LPAR1: variants seen among roughly 807,000 people sequenced by gnomAD.
LPAR1 encodes lysophosphatidic acid receptor 1, also known as LPA receptor 1.
LPAR1 carries 5 observed loss-of-function variants against 23.8 expected under a neutral mutation model. The observed-to-expected ratio is 0.21, with a 90% confidence interval of 0.11 to 0.44. LPAR1 has a LOEUF of 0.44. LPAR1 is among the 20% of genes least tolerant of loss of function. LPAR1 has a pLI of 0.99. For missense variants in LPAR1, 311 were observed against 482.8 expected (o/e 0.64, Z 3.33); for synonymous variants, 160 against 164.7 (o/e 0.97, Z 0.22).
At chr9:110,932,642 C>T (rs565663282) in intron 5 of LPAR1, among the ~76,000 whole-genome samples, 60 of 152,352 alleles carry the variant, frequency 3.9e-4, no homozygotes, top group African/African-American at 1.3e-3. Flanking sequence ...GCAGCAGATG[C>T]GCAAGCATTA....
chr9:110,986,230 G>A (rs932384562), intron 2 of LPAR1, among the ~76,000 whole-genome samples: 3 of 152,100 alleles, frequency 2.0e-5, no homozygotes, highest in Non-Finnish European at 2.9e-5. Context: ...ACCCTATAGG[G>A]TGGATACATT....
At chr9:111,034,863 C>T (rs1448918573) in intron 2 of LPAR1, among the ~76,000 whole-genome samples, 2 of 152,106 alleles carry the variant, frequency 1.3e-5, no homozygotes, top group African/African-American at 2.4e-5. Context: ...ACTTTCCAGC[C>T]TTCATCACCC....
At chr9:110,945,230 G>A (rs1455755765) in intron 4 of LPAR1, 1 of 152,140 alleles carries the variant, frequency 6.6e-6, no homozygotes, top group South Asian at 2.1e-4. Context: ...GACAGACTTA[G>A]GCAGAAAACC....
intron 4 of LPAR1, among the ~76,000 whole-genome samples, chr9:110,943,216 T>G (rs1393296335): frequency 6.6e-6 from 1 of 150,536 alleles, no homozygotes; most frequent in Non-Finnish European, 1.5e-5. Context: ...AGTAAGTCAT[T>G]CTTCTTGAAG....
intron 2 of LPAR1, among the ~76,000 whole-genome samples, chr9:111,023,599 T>C (rs2097610897): frequency 6.6e-6 from 1 of 152,106 alleles, no homozygotes; most frequent in Admixed American, 6.6e-5. Context: ...TACTCATCAC[T>C]CTATTCCCAG....
intron 2 of LPAR1, among the ~76,000 whole-genome samples, chr9:111,000,956 A>T (rs1357853446): frequency 6.6e-6 from 1 of 152,090 alleles, no homozygotes; most frequent in African/African-American, 2.4e-5. Flanking sequence ...CAGCTGGTAC[A>T]CTAAGCTCAT....
rs376856733 is a variant in LPAR1 at position 110,922,438 on chromosome 9, C to A, written c.793+18983G>T. On this transcript the variant is annotated intron_variant, in intron 5 of 5. Transcript: ENST00000683809. Reference sequence around the variant, plus strand: ...GAACAGAAAATGAAGATGGTGGTTTCCAATCTGAATTCAAGTTTTGAAAAG... The same window carrying A: ...GAACAGAAAATGAAGATGGTGGTTTACAATCTGAATTCAAGTTTTGAAAAG... 3.3e-5 allele frequency among the ~76,000 whole-genome samples: 5 copies of A among 152,064 alleles called. No homozygotes were observed. In the East Asian group the frequency reaches 7.7e-4, roughly 23 times the overall value.
In LPAR1 at chr9:110,936,364, T is replaced by G. The variant is rs2094707486; in HGVS notation, c.793+5057A>C. ...TATGGTCTTAAACTTATCTGACTCC[T>G]GCCACTTTCGTCACCACTGGTGACA... On this transcript the variant is annotated intron_variant, in intron 5 of 5. Coordinates refer to ENST00000683809, the MANE Select transcript of LPAR1 (RefSeq NM_001351411.2). Among the ~76,000 whole-genome samples the G allele has an allele frequency of 2.0e-5, 3 of 152,224 alleles. No individual in the cohort carries two copies. In the South Asian group the frequency reaches 6.2e-4, roughly 32 times the overall value.
intron 2 of LPAR1, among the ~76,000 whole-genome samples, chr9:111,000,485 T>C (rs1406288862): frequency 6.6e-6 from 1 of 152,160 alleles, no homozygotes; most frequent in Non-Finnish European, 1.5e-5. Context: ...GGATCACCCT[T>C]GTCAATGGTG....
In LPAR1 at chr9:110,884,275, G is replaced by A. The variant is rs113671764; in HGVS notation, c.794-8553C>T. ...TCCTGGGATGTTACCTGCTCTCCTC[G>A]CAATCTAATTCCTACTCACACTTTA... On this transcript the variant is annotated intron_variant, in intron 5 of 5. Coordinates refer to ENST00000683809, the MANE Select transcript of LPAR1 (RefSeq NM_001351411.2). Among the ~76,000 whole-genome samples the A allele has an allele frequency of 1.7e-3, 265 of 152,124 alleles. 1 individual carries two copies. The highest frequency in any genetic ancestry group is 6.3e-3 in the African/African-American group (260 of 41,494).
chr9:110,906,280 C>A (rs1020911924), intron 5 of LPAR1, among the ~76,000 whole-genome samples: 1 of 152,016 alleles, frequency 6.6e-6, no homozygotes, highest in Non-Finnish European at 1.5e-5. Flanking sequence ...ACAATGTTAA[C>A]CCTTCCCAAC....
intron 5 of LPAR1, among the ~76,000 whole-genome samples, chr9:110,931,140 T>C (rs888153290): frequency 6.6e-6 from 1 of 152,186 alleles, no homozygotes; most frequent in East Asian, 1.9e-4. Flanking sequence ...GAATATCTAA[T>C]AGAAATAATT....
chr9:111,038,420 TGGAGAC>T lies in LPAR1; in HGVS notation c.-521_-516del. ...TCCGGCCCGCGCTCCGCAGCGGGGC[TGGAGAC>T]GGAGTCGCCACTCAGGGAGCGTCAG... On this transcript the variant is annotated 5_prime_UTR_variant, in exon 1 of 6. Transcript: ENST00000683809. This position sits in a 1 kb window ranked among gnomAD's most constrained non-coding sequence, Gnocchi z 4.4. 2 of 309,536 alleles carry T rather than the reference TGGAGAC, an allele frequency of 6.5e-6. No individual in the cohort carries two copies. The highest frequency in any genetic ancestry group is 1.3e-5 in the Non-Finnish European group (2 of 158,324). 19.2% of individuals were successfully genotyped at this position (309,536 alleles called of 1,614,324 possible).
intron 2 of LPAR1, among the ~76,000 whole-genome samples, chr9:110,994,107 T>C (rs558683798): frequency 7.9e-5 from 12 of 152,246 alleles, no homozygotes; most frequent in Admixed American, 7.2e-4. Context: ...TCACCAATAA[T>C]GGAGCAAATC....
intron 5 of LPAR1, among the ~76,000 whole-genome samples, chr9:110,936,159 T>A (rs562661243): frequency 6.6e-6 from 1 of 152,320 alleles, no homozygotes; most frequent in African/African-American, 2.4e-5. Flanking sequence ...GCTTTGCAGC[T>A]CTTTTTTAGT....
At chr9:110,879,156 C>T (rs1318069276) in intron 5 of LPAR1, among the ~76,000 whole-genome samples, 2 of 152,102 alleles carry the variant, frequency 1.3e-5, no homozygotes, top group African/African-American at 2.4e-5. Context: ...GGAGCTCACG[C>T]CTGTAATCCT....
chr9:111,035,052 C>T (rs1181333281), intron 2 of LPAR1, among the ~76,000 whole-genome samples: 2 of 152,334 alleles, frequency 1.3e-5, no homozygotes, highest in South Asian at 2.1e-4. Flanking sequence ...TATACATATT[C>T]GGTATGAACC....
At chr9:111,028,669 T>C (rs1251709614) in intron 2 of LPAR1, among the ~76,000 whole-genome samples, 1 of 152,240 alleles carries the variant, frequency 6.6e-6, no homozygotes, top group East Asian at 1.9e-4. Context: ...CATCCTACTT[T>C]TTAGTAGGCA....
chr9:110,911,257 A>G (rs2092391631), intron 5 of LPAR1, among the ~76,000 whole-genome samples: 1 of 152,186 alleles, frequency 6.6e-6, no homozygotes, highest in African/African-American at 2.4e-5. Flanking sequence ...CAAAAAGATC[A>G]TGACCTGTGC....
Sources: allele counts gnomAD v4.1 joint callset (sites outside exome capture counted in the v4.1 genomes callset), GRCh38; gene constraint gnomAD v4.1.1; non-coding constraint Gnocchi (gnomAD v3.1); transcripts MANE v1.5; gene names NCBI Gene and HGNC (gene_info 2026-07-23, HGNC 2026-07-21).